Variants in UNC5D observed in about 807,000 individuals in gnomAD.
UNC5D encodes the protein unc-5 netrin receptor D.
In UNC5D, 39 loss-of-function variants were observed where a neutral mutation model predicts 105.4. That is an observed-to-expected ratio of 0.37 (90% CI 0.29 to 0.48). The LOEUF is 0.48. UNC5D is among the 20% of genes least tolerant of loss of function. The probability of loss-of-function intolerance (pLI) is 0.98; values close to 1 mark genes in which losing one functional copy is unlikely to be tolerated. For synonymous variants in UNC5D, 452 were observed against 450.4 expected (o/e 1.00, Z -0.04); for missense variants, 991 against 1,202.4 (o/e 0.82, Z 2.60).
At chr8:35,454,698 T>C (rs1313359201) in intron 1 of UNC5D, among the ~76,000 whole-genome samples, 1 of 152,182 alleles carries the variant, frequency 6.6e-6, no homozygotes, top group Non-Finnish European at 1.5e-5. Context: ...TTTGTTAAAA[T>C]GGTATATTTC....
chr8:35,550,001 G>A (rs1360376861), intron 2 of UNC5D, among the ~76,000 whole-genome samples: 1 of 134,112 alleles, frequency 7.5e-6, no homozygotes, highest in African/African-American at 2.9e-5. Context: ...TCCCAAATTA[G>A]ATTACCATAT....
At chr8:35,383,748 C>G (rs1414239693) in intron 1 of UNC5D, among the ~76,000 whole-genome samples, 2 of 152,152 alleles carry the variant, frequency 1.3e-5, no homozygotes, top group Non-Finnish European at 2.9e-5. Context: ...TAATTTTTAA[C>G]ATGCAGCTAA....
At chr8:35,533,910 C>T (rs1306348832) in intron 1 of UNC5D, among the ~76,000 whole-genome samples, 6 of 152,228 alleles carry the variant, frequency 3.9e-5, no homozygotes, top group Non-Finnish European at 5.9e-5. Flanking sequence ...TCGGCTTGCG[C>T]ACGGTGCGCG....
chr8:35,317,506 G>A (rs2128882618), intron 1 of UNC5D, among the ~76,000 whole-genome samples: 1 of 152,146 alleles, frequency 6.6e-6, no homozygotes, highest in East Asian at 1.9e-4. Context: ...TTATCAGGAT[G>A]TGCTCAACTA....
intron 1 of UNC5D, among the ~76,000 whole-genome samples, chr8:35,284,069 GA>G (rs1806401734): frequency 6.6e-6 from 1 of 152,132 alleles, no homozygotes; most frequent in African/African-American, 2.4e-5. Flanking sequence ...AATATCAACA[GA>G]AAATCTTGGT....
intron 1 of UNC5D, among the ~76,000 whole-genome samples, chr8:35,498,084 C>CAAAAAA (rs58175711): frequency 5.5e-4 from 32 of 58,192 alleles, no homozygotes; most frequent in Non-Finnish European, 1.1e-3. Context: ...CAAAACAAAA[C>CAAAAAA]AAAAAAAAAA....
intron 1 of UNC5D, among the ~76,000 whole-genome samples, chr8:35,512,725 AG>A: frequency 6.6e-6 from 1 of 150,612 alleles, no homozygotes; most frequent in Non-Finnish European, 1.5e-5. Flanking sequence ...TACCCGTTTT[AG>A]AAAATACAGA....
intron 1 of UNC5D, among the ~76,000 whole-genome samples, chr8:35,373,292 C>T (rs1022212535): frequency 6.6e-6 from 1 of 152,110 alleles, no homozygotes; most frequent in African/African-American, 2.4e-5. Flanking sequence ...TGTGCCCCAC[C>T]GTTCAGTGAC....
intron 3 of UNC5D, among the ~76,000 whole-genome samples, chr8:35,580,240 T>C (rs1007925801): frequency 2.6e-5 from 4 of 152,158 alleles, no homozygotes; most frequent in Non-Finnish European, 5.9e-5. Context: ...CATGCTGTTG[T>C]ATTTATGAGC....
intron 1 of UNC5D, among the ~76,000 whole-genome samples, chr8:35,443,979 TCTCA>T (rs1176455239): frequency 4.6e-5 from 7 of 152,062 alleles, no homozygotes; most frequent in Admixed American, 2.6e-4. Context: ...AAGTGTTTTT[TCTCA>T]CTCATTCTTT....
intron 1 of UNC5D, chr8:35,525,279 A>G: frequency 6.2e-7 from 1 of 1,612,278 alleles, no homozygotes; most frequent in Non-Finnish European, 8.5e-7. Flanking sequence ...TATTTTGCGT[A>G]CATGGCTCAG....
At chr8:35,541,851 A>T (rs773932665) in intron 1 of UNC5D, among the ~76,000 whole-genome samples, 94 of 151,610 alleles carry the variant, frequency 6.2e-4, no homozygotes, top group Non-Finnish European at 1.1e-3. Flanking sequence ...GCGTCTATTT[A>T]AAAAAAAATA....
intron 1 of UNC5D, among the ~76,000 whole-genome samples, chr8:35,451,386 A>C (rs571776359): frequency 6.6e-6 from 1 of 152,288 alleles, no homozygotes; most frequent in Admixed American, 6.5e-5. Context: ...GTGGCAAGTG[A>C]ACACTTCATC....
Position 35,724,078 on chromosome 8 carries a change from G to A in UNC5D, c.1303+1683G>A, listed in dbSNP as rs184769186. On this transcript the variant is annotated intron_variant, in intron 9 of 16. Transcript: ENST00000404895. The stretch of plus-strand genomic sequence containing the variant: ...TCTTACCCTAGTACAGGATGCCAGC[G>A]TGTTCCGTGGAGCACCAGGCAGCAG... 1,601 of 1,334,322 alleles carry A rather than the reference G, an allele frequency of 1.2e-3. 2 individuals carry two copies. The highest frequency in any genetic ancestry group is 2.0e-3 in the Admixed American group (60 of 29,994). The allele number at this position is 1,334,322 out of a possible 1,614,324, so 82.7% of individuals were successfully genotyped here. A position where few individuals can be genotyped will look rare whatever the true frequency, so the allele number is the denominator to read the frequency against.
intron 2 of UNC5D, among the ~76,000 whole-genome samples, chr8:35,565,494 G>A (rs1040442150): frequency 1.3e-5 from 2 of 152,098 alleles, no homozygotes; most frequent in African/African-American, 4.8e-5. Flanking sequence ...TTCTTTGTGA[G>A]ATGTATAGTT....
intron 3 of UNC5D, among the ~76,000 whole-genome samples, chr8:35,571,318 T>C (rs960692549): frequency 6.6e-6 from 1 of 152,260 alleles, no homozygotes; most frequent in African/African-American, 2.4e-5. Flanking sequence ...TATGTCTGAA[T>C]ATTATTAAAG....
intron 1 of UNC5D, among the ~76,000 whole-genome samples, chr8:35,470,953 T>A (rs551335124): frequency 1.6e-4 from 25 of 152,240 alleles, no homozygotes; most frequent in African/African-American, 6.0e-4. Context: ...TGTTTGGGGT[T>A]GAGTTCCCAT....
At chr8:35,748,090 TAAG>T (rs1830090293) in intron 11 of UNC5D, among the ~76,000 whole-genome samples, 2 of 152,206 alleles carry the variant, frequency 1.3e-5, no homozygotes, top group African/African-American at 4.8e-5. Context: ...TTACCAGCAT[TAAG>T]AATATTTTAG....
At chr8:35,426,946 A>G (rs868660050) in intron 1 of UNC5D, among the ~76,000 whole-genome samples, 1 of 152,158 alleles carries the variant, frequency 6.6e-6, no homozygotes, top group Non-Finnish European at 1.5e-5. Flanking sequence ...AAGCACATTT[A>G]TTGACTCCCA....
Sources: gnomAD v4.1 joint callset for allele counts (sites outside exome capture counted in the v4.1 genomes callset) on GRCh38, gnomAD v4.1.1 for gene constraint, MANE v1.5 for transcripts, NCBI Gene and HGNC (gene_info 2026-07-23, HGNC 2026-07-21) for gene names.